Variants in SFXN5 observed in about 807,000 individuals in gnomAD.
SFXN5 encodes sideroflexin-5.
A neutral mutation model predicts 50.2 loss-of-function variants in SFXN5; 43 were observed. The observed-to-expected ratio is 0.86, with a 90% CI of 0.67 to 1.11. SFXN5 has a LOEUF of 1.11. Ranked by LOEUF, SFXN5 falls within the 50% of genes least tolerant of loss-of-function variation. The pLI, the probability that SFXN5 is intolerant of heterozygous loss-of-function variation, is 0.00. For missense variants in SFXN5, 463 were observed against 454.1 expected (o/e 1.02, Z -0.18); for synonymous variants, 203 against 185.8 (o/e 1.09, Z -0.75).
intron 1 of SFXN5, chr2:73,071,265 G>A (rs971269134): frequency 1.3e-5 from 4 of 301,728 alleles, no homozygotes; most frequent in South Asian, 1.3e-4. Flanking sequence ...GCACAACCCG[G>A]AGCGACCCTG....
intron 10 of SFXN5, among the ~76,000 whole-genome samples, chr2:72,985,806 G>A (rs1404093834): frequency 1.3e-5 from 2 of 152,174 alleles, no homozygotes; most frequent in Non-Finnish European, 2.9e-5. Context: ...AGAGGGGAGG[G>A]GAATTACACT....
chr2:73,064,195 A>ACC (rs1240485556), intron 1 of SFXN5, among the ~76,000 whole-genome samples: 1 of 152,222 alleles, frequency 6.6e-6, no homozygotes, highest in Non-Finnish European at 1.5e-5. Context: ...CCGCCCCGCA[A>ACC]CTACACACAC....
At chr2:72,967,823 A>G (rs1674622082) in intron 12 of SFXN5, among the ~76,000 whole-genome samples, 1 of 152,074 alleles carries the variant, frequency 6.6e-6, no homozygotes, top group Non-Finnish European at 1.5e-5. Context: ...GCGGAGTTTC[A>G]GTCCGCCCCT....
chr2:73,006,256 A>G (rs544285095), intron 6 of SFXN5, among the ~76,000 whole-genome samples: 2 of 152,310 alleles, frequency 1.3e-5, no homozygotes, highest in Admixed American at 6.5e-5. Context: ...TCAGTTGACC[A>G]TAGTGAGATG....
At chr2:73,044,630 C>T (rs1341208967) in intron 2 of SFXN5, 1 of 152,684 alleles carries the variant, frequency 6.5e-6, no homozygotes, top group Admixed American at 6.5e-5. Flanking sequence ...GGGTGAACTC[C>T]GCAGGAAGTC....
Position 72,960,091 on chromosome 2 carries a change from C to T in SFXN5, c.945+1040G>A, listed in dbSNP as rs965277410. On this transcript the variant is annotated intron_variant, in intron 13 of 13. Transcript: ENST00000272433. The surrounding 1 kb of genome is among the most constrained non-coding windows in gnomAD (Gnocchi z 6.1). ...CCTGGCTGCTTGTCTTTGGACCCCG[C>T]CAGGGTGGAGGCCTCACCCACCACC... 2.0e-5 allele frequency among the ~76,000 whole-genome samples: 3 copies of T among 152,028 alleles called. No individual in the cohort carries two copies. Among genetic ancestry groups the T allele is most frequent in the African/African-American group, 7.2e-5 (3 of 41,394 alleles).
chr2:73,012,233 C>T (rs1054444320), intron 6 of SFXN5, among the ~76,000 whole-genome samples: 2 of 152,110 alleles, frequency 1.3e-5, no homozygotes, highest in African/African-American at 4.8e-5. Context: ...GGCAGAGATT[C>T]GGGGTTGAGG....
intron 1 of SFXN5, among the ~76,000 whole-genome samples, chr2:73,061,306 T>TG (rs1559221004): frequency 1.7e-4 from 20 of 118,152 alleles, no homozygotes; most frequent in African/African-American, 5.1e-4. Context: ...AGACTCTGTC[T>TG]CAAAAAAAAA....
At position 72,999,017 on chromosome 2, in the gene SFXN5, G is replaced by A; in HGVS notation, c.469-3C>T. On this transcript the variant is annotated splice_region_variant and splice_polypyrimidine_tract_variant and intron_variant, in intron 8 of 13. Coordinates refer to ENST00000272433, the MANE Select transcript of SFXN5 (RefSeq NM_144579.3). Reference sequence around the variant, plus strand: ...ATGAACTTGGATGCAGGTGAAGGCTGGAAAACAGAGGCAGAATTTCAGGCC... The same window carrying A: ...ATGAACTTGGATGCAGGTGAAGGCTAGAAAACAGAGGCAGAATTTCAGGCC... The A allele has an allele frequency of 6.2e-7, 1 of 1,614,106 alleles. No homozygotes were observed. Among genetic ancestry groups the A allele is most frequent in the Non-Finnish European group, 8.5e-7 (1 of 1,180,006 alleles).
rs1339042122 is a variant in SFXN5, at chr2:72,950,559, C to T, written c.946-5460G>A. ...CTAGGGGAGGCTGGGGCAGGAACCC[C>T]TGAGTTGCCTGCTCACCTATATGTG... On this transcript the variant is annotated intron_variant, in intron 13 of 13. Transcript: ENST00000272433. The surrounding 1 kb of genome is among the most constrained non-coding windows in gnomAD (Gnocchi z 4.2). 1.3e-5 allele frequency among the ~76,000 whole-genome samples: 2 copies of T among 152,190 alleles called. No homozygotes were observed. The highest frequency in any genetic ancestry group is 2.9e-5 in the Non-Finnish European group (2 of 68,026).
chr2:73,006,138 G>A (rs964107441), intron 6 of SFXN5, among the ~76,000 whole-genome samples: 1 of 151,878 alleles, frequency 6.6e-6, no homozygotes, highest in Non-Finnish European at 1.5e-5. Context: ...TTGCCCTGCT[G>A]AGCATCTGAG....
intron 5 of SFXN5, 31 bp from the exon 6 acceptor site, chr2:73,020,295 A>G: frequency 6.2e-7 from 1 of 1,613,322 alleles, no homozygotes. Flanking sequence ...GTCAGGCCTT[A>G]TAATCCACTC....
In SFXN5 at chr2:72,945,251, G is replaced by T; in HGVS notation, c.946-152C>A. 1.4e-6 allele frequency: 1 copy of T among 693,942 alleles called. No homozygotes were observed. Among genetic ancestry groups the T allele is most frequent in the Non-Finnish European group, 2.5e-6 (1 of 393,662 alleles). 43.0% of individuals were successfully genotyped at this position (693,942 alleles called of 1,614,324 possible). On this transcript the variant is annotated intron_variant, in intron 13 of 13. Coordinates refer to ENST00000272433, the MANE Select transcript of SFXN5 (RefSeq NM_144579.3). This position sits in a 1 kb window ranked among gnomAD's most constrained non-coding sequence, Gnocchi z 5.8. ...CCAGGGCTCACATGCCCTACCTAGT[G>T]ACACATCTTCCTTCTCCACCGCCCT...
intron 10 of SFXN5, among the ~76,000 whole-genome samples, chr2:72,978,607 T>C (rs540855767): frequency 7.2e-5 from 11 of 152,146 alleles, no homozygotes; most frequent in East Asian, 3.9e-4. Context: ...TTTTAAGAGA[T>C]TGATAATATC....
At chr2:73,045,707 G>A (rs192043261) in intron 2 of SFXN5, among the ~76,000 whole-genome samples, 3 of 152,112 alleles carry the variant, frequency 2.0e-5, no homozygotes, top group Non-Finnish European at 2.9e-5. Context: ...TACTAGAGTC[G>A]CCTCCAAGCA....
chr2:73,037,863 A>G (rs1679160150), intron 3 of SFXN5, among the ~76,000 whole-genome samples: 1 of 152,232 alleles, frequency 6.6e-6, no homozygotes, highest in Admixed American at 6.5e-5. Context: ...ACCCTTTTTC[A>G]GGAAGCTACG....
chr2:73,066,918 C>T (rs1458858358), intron 1 of SFXN5, among the ~76,000 whole-genome samples: 2 of 152,060 alleles, frequency 1.3e-5, no homozygotes, highest in Non-Finnish European at 2.9e-5. Context: ...GGTGGCACAC[C>T]CCTGTAGTTC....
At chr2:73,058,834 C>T (rs998453596) in intron 1 of SFXN5, among the ~76,000 whole-genome samples, 2 of 152,148 alleles carry the variant, frequency 1.3e-5, no homozygotes, top group African/African-American at 4.8e-5. Flanking sequence ...ATCTGCTCTT[C>T]CAGGTGACTT....
intron 2 of SFXN5, among the ~76,000 whole-genome samples, chr2:73,045,478 T>A (rs1416357006): frequency 6.6e-6 from 1 of 152,008 alleles, no homozygotes; most frequent in Non-Finnish European, 1.5e-5. Context: ...ACATGGGCCA[T>A]TTCAGGCAAA....
Sources: allele counts gnomAD v4.1 joint callset (sites outside exome capture counted in the v4.1 genomes callset), GRCh38; gene constraint gnomAD v4.1.1; non-coding constraint Gnocchi (gnomAD v3.1); transcripts MANE v1.5; gene names NCBI Gene and HGNC (gene_info 2026-07-23, HGNC 2026-07-21).